RNF216: variants seen among roughly 807,000 people sequenced by gnomAD.
The protein encoded by RNF216 is E3 ubiquitin-protein ligase RNF216.
A neutral mutation model predicts 110.8 loss-of-function variants in RNF216; 72 were observed. The observed-to-expected ratio is 0.65, with a 90% CI of 0.54 to 0.79. RNF216 has a LOEUF of 0.79. RNF216 is among the 30% of genes least tolerant of loss of function. RNF216 has a pLI of 0.00. For missense variants in RNF216, 1,342 were observed against 1,141.2 expected (o/e 1.18, Z -2.54); for synonymous variants, 495 against 407.5 (o/e 1.21, Z -2.59).
chr7:5,703,416 T>C (rs540800487), intron 13 of RNF216, among the ~76,000 whole-genome samples: 7 of 152,366 alleles, frequency 4.6e-5, no homozygotes, highest in Non-Finnish European at 8.8e-5. Context: ...GCCCTGGCAT[T>C]GATAGCTGGT....
chr7:5,683,997 A>T (rs1000592740), intron 13 of RNF216, among the ~76,000 whole-genome samples: 1 of 147,284 alleles, frequency 6.8e-6, no homozygotes, highest in Non-Finnish European at 1.5e-5. Flanking sequence ...TTGTGGCGGG[A>T]TGTGTGAAGA....
At chr7:5,689,626 T>C (rs1791204781) in intron 13 of RNF216, among the ~76,000 whole-genome samples, 1 of 152,116 alleles carries the variant, frequency 6.6e-6, no homozygotes. Context: ...ATGATAGACT[T>C]GAGTAAAATC....
chr7:5,706,044 C>A (rs1051875772), intron 13 of RNF216, among the ~76,000 whole-genome samples: 7 of 150,930 alleles, frequency 4.6e-5, no homozygotes, highest in African/African-American at 1.5e-4. Flanking sequence ...CATGGTGAAA[C>A]CCCGTCTCTA....
intron 13 of RNF216, among the ~76,000 whole-genome samples, chr7:5,667,688 G>A (rs948189771): frequency 1.2e-4 from 18 of 152,190 alleles, no homozygotes; most frequent in African/African-American, 2.7e-4. Context: ...GGGAATCTTG[G>A]CCTGGCAGGA....
rs972799693 is a variant in RNF216 at position 5,622,880 on chromosome 7, G to A, written c.2752C>T (p.Gln918Ter). 5.0e-6 allele frequency: 8 copies of A among 1,603,678 alleles called. No homozygotes were observed. The East Asian group carries it at 6.7e-5, about 13-fold the overall frequency. The stretch of plus-strand genomic sequence containing the variant: ...GGCCATCAGAAGCGATGCCGCGGCT[G>A]GGGGCCAAAGTGCATGGGCAGGTTG... ...EHNLPMHFGP[Q>*]PRHRF is the part of the protein sequence containing the mutation. The change falls in exon 17 of 17, where the codon CAG (glutamine) becomes TAG (stop). Residue 918 changes from glutamine (Q) to a stop codon, truncating the protein, a stop_gained. Coordinates refer to ENST00000389902, the MANE Select transcript of RNF216 (RefSeq NM_207111.4). LOFTEE classifies it high-confidence loss of function.
intron 13 of RNF216, among the ~76,000 whole-genome samples, chr7:5,700,569 C>T (rs117435084): frequency 6.6e-6 from 1 of 152,162 alleles, no homozygotes; most frequent in Non-Finnish European, 1.5e-5. Context: ...CTGATCCCCA[C>T]AGGCTGTGAC....
intron 13 of RNF216, chr7:5,666,814 CT>C (rs762672429): frequency 2.5e-3 from 340 of 135,486 alleles, no homozygotes; most frequent in Middle Eastern, 3.8e-3. Context: ...ACAGCAATGA[CT>C]TTTTTTTTTT....
intron 5 of RNF216, 67 bp downstream of exon 5, chr7:5,739,209 A>C: frequency 7.0e-7 from 1 of 1,429,208 alleles, no homozygotes; most frequent in Non-Finnish European, 9.2e-7. Flanking sequence ...TAAAATGGTA[A>C]ATTTTTTATT....
intron 2 of RNF216, among the ~76,000 whole-genome samples, chr7:5,757,303 G>C (rs1467286695): frequency 1.3e-5 from 2 of 152,088 alleles, no homozygotes; most frequent in Non-Finnish European, 2.9e-5. Flanking sequence ...ACAGGGATTA[G>C]CTTATCTTCT....
chr7:5,735,380 A>G (rs1794335769), intron 5 of RNF216, among the ~76,000 whole-genome samples: 1 of 152,212 alleles, frequency 6.6e-6, no homozygotes. Context: ...TATGATTCCC[A>G]AGAACTTAAC....
intron 9 of RNF216, among the ~76,000 whole-genome samples, chr7:5,719,830 AGCT>A (rs79750983): frequency 1.3e-5 from 2 of 152,218 alleles, no homozygotes; most frequent in Non-Finnish European, 2.9e-5. Context: ...TGGCCAATGC[AGCT>A]GCTTTGTGGC....
intron 3 of RNF216, among the ~76,000 whole-genome samples, chr7:5,747,537 T>C (rs1795090563): frequency 6.6e-6 from 1 of 151,942 alleles, no homozygotes; most frequent in South Asian, 2.1e-4. Context: ...GAAAGCAAAA[T>C]AGATGCCCCT....
intron 5 of RNF216, among the ~76,000 whole-genome samples, 185 bp from the exon 6 acceptor site, chr7:5,731,002 C>T (rs1429390929): frequency 6.6e-6 from 1 of 152,162 alleles, no homozygotes; most frequent in Non-Finnish European, 1.5e-5. Flanking sequence ...GAATTTCTAT[C>T]TTTGTGAAAG....
intron 13 of RNF216, among the ~76,000 whole-genome samples, chr7:5,700,695 A>G (rs1791909076): frequency 6.6e-6 from 1 of 152,184 alleles, no homozygotes; most frequent in Non-Finnish European, 1.5e-5. Flanking sequence ...TTCTGTGAGT[A>G]CTACAGACAG....
At chr7:5,754,067 A>G (rs1315773145) in intron 2 of RNF216, among the ~76,000 whole-genome samples, 1 of 151,434 alleles carries the variant, frequency 6.6e-6, no homozygotes, top group East Asian at 1.9e-4. Flanking sequence ...GCACCTCATC[A>G]CTGCAATTTT....
Position 5,721,079 on chromosome 7 carries a change from T to C in RNF216, c.1598A>G (p.Gln533Arg), listed in dbSNP as rs1793392669. The C allele has an allele frequency of 6.2e-7, 1 of 1,614,222 alleles. No homozygotes were observed. Residue 533 changes from glutamine (Q) to arginine (R), a missense_variant, in exon 9 of 17, where the codon CAA becomes CGA. Physicochemically the swap from Gln to Arg is conservative, Grantham distance 43. Transcript: ENST00000389902. ...YDRRALLPAV[Q>R]QEQEFYEQKI... ...CTGCTCATAGAACTCCTGCTCTTGT[T>C]GCACAGCTGGAAGGAGAGCACGTCG...
intron 1 of RNF216, among the ~76,000 whole-genome samples, chr7:5,778,077 C>T (rs1035877878): frequency 6.6e-6 from 1 of 152,188 alleles, no homozygotes; most frequent in South Asian, 2.1e-4. Context: ...TGTTTTCATA[C>T]GGCATTTGAG....
intron 1 of RNF216, among the ~76,000 whole-genome samples, chr7:5,777,851 G>A (rs970246955): frequency 2.0e-5 from 3 of 152,074 alleles, no homozygotes; most frequent in Admixed American, 1.3e-4. Context: ...ATCTTCAGTG[G>A]GCGGGCTAAA....
At chr7:5,691,138 T>C (rs571452133) in intron 13 of RNF216, among the ~76,000 whole-genome samples, 19 of 152,212 alleles carry the variant, frequency 1.2e-4, no homozygotes, top group Non-Finnish European at 2.1e-4. Flanking sequence ...TCTAACCGTG[T>C]GTGTAGACGG....
Sources: allele counts gnomAD v4.1 joint callset (sites outside exome capture counted in the v4.1 genomes callset), GRCh38; gene constraint gnomAD v4.1.1; transcripts MANE v1.5; gene names NCBI Gene and HGNC (gene_info 2026-07-23, HGNC 2026-07-21).